ATP8A2: variants seen among roughly 807,000 people sequenced by gnomAD.
The protein encoded by ATP8A2 is phospholipid-transporting ATPase IB.
Under a neutral mutation model 165.6 loss-of-function variants are expected in ATP8A2, and 100 were observed. The ratio of observed to expected loss-of-function variants is 0.60; its 90% CI spans 0.51 to 0.71. ATP8A2 has a LOEUF of 0.71. Ranked by LOEUF, ATP8A2 falls within the 30% of genes least tolerant of loss-of-function variation. ATP8A2 has a pLI of 0.00. For synonymous variants in ATP8A2, 543 were observed against 548.8 expected (o/e 0.99, Z 0.15); for missense variants, 1,227 against 1,479.5 (o/e 0.83, Z 2.80).
intron 33 of ATP8A2, chr13:25,881,106 A>G (rs796423177): frequency 2.8e-5 from 8 of 281,896 alleles, no homozygotes; most frequent in African/African-American, 1.8e-4. Context: ...GTTTTCAAAT[A>G]TATTAATTTA....
intron 24 of ATP8A2, among the ~76,000 whole-genome samples, chr13:25,685,623 G>A (rs1010607537): frequency 2.0e-5 from 3 of 152,230 alleles, no homozygotes; most frequent in Non-Finnish European, 2.9e-5. Context: ...TTGAGGTGGG[G>A]TGAGCTGCAT....
intron 2 of ATP8A2, among the ~76,000 whole-genome samples, chr13:25,518,811 G>T (rs943547883): frequency 3.9e-5 from 6 of 152,176 alleles, no homozygotes; most frequent in Non-Finnish European, 7.3e-5. Flanking sequence ...GTTTCTGTAT[G>T]TGCCTAATTA....
intron 1 of ATP8A2, among the ~76,000 whole-genome samples, chr13:25,440,763 A>G (rs2034911164): frequency 6.6e-6 from 1 of 152,230 alleles, no homozygotes; most frequent in Admixed American, 6.5e-5. Flanking sequence ...TTTCAATCCG[A>G]TGCCTTCTAG....
intron 25 of ATP8A2, among the ~76,000 whole-genome samples, chr13:25,706,967 A>G (rs1475761533): frequency 2.6e-5 from 4 of 152,154 alleles, no homozygotes; most frequent in Non-Finnish European, 5.9e-5. Flanking sequence ...TTTATTAAGG[A>G]TGAGAGCGCT....
intron 2 of ATP8A2, among the ~76,000 whole-genome samples, chr13:25,500,214 T>C (rs2036811584): frequency 6.6e-6 from 1 of 152,114 alleles, no homozygotes; most frequent in Non-Finnish European, 1.5e-5. Flanking sequence ...CACAATAGGG[T>C]GAGCGAGGTG....
chr13:25,449,512 G>T (rs1241271913), intron 1 of ATP8A2, among the ~76,000 whole-genome samples: 2 of 152,164 alleles, frequency 1.3e-5, no homozygotes, highest in East Asian at 1.9e-4. Flanking sequence ...TTGTGGAGGG[G>T]TCCATGTGCA....
chr13:25,857,163 C>T lies in ATP8A2; in HGVS notation c.2957-3032C>T, dbSNP rs180916332. Reference sequence around the variant, plus strand: ...CAGTGCCTGCAGCCCCACTGGTCTTCGTAATGATCCTTGAGCTCATCAAGT... The same window carrying T: ...CAGTGCCTGCAGCCCCACTGGTCTTTGTAATGATCCTTGAGCTCATCAAGT... On this transcript the variant is annotated intron_variant, in intron 30 of 36. Coordinates refer to ENST00000381655, the MANE Select transcript of ATP8A2 (RefSeq NM_016529.6). 2.0e-3 allele frequency among the ~76,000 whole-genome samples: 298 copies of T among 152,260 alleles called. 2 individuals are homozygous for T. The highest frequency in any genetic ancestry group is 3.9e-3 in the Admixed American group (60 of 15,298).
In ATP8A2 at chr13:25,854,155, G is replaced by T. The variant is rs1452954246; in HGVS notation, c.2957-6040G>T. Among the ~76,000 whole-genome samples the T allele has an allele frequency of 2.6e-5, 4 of 151,948 alleles. No homozygotes were observed. The South Asian group carries it at 8.4e-4, about 32-fold the overall frequency. On this transcript the variant is annotated intron_variant, in intron 30 of 36. Coordinates refer to ENST00000381655, the MANE Select transcript of ATP8A2 (RefSeq NM_016529.6). ...TTCATTGCTGTCTTTTCTTCCTCTCGTGAACTTAAAATATGAATCATTTGG... is the reference window on the plus strand; with the variant it reads ...TTCATTGCTGTCTTTTCTTCCTCTCTTGAACTTAAAATATGAATCATTTGG...
At chr13:25,757,076 A>G (rs1280020795) in intron 25 of ATP8A2, among the ~76,000 whole-genome samples, 1 of 152,032 alleles carries the variant, frequency 6.6e-6, no homozygotes, top group African/African-American at 2.4e-5. Context: ...CACAGCATAC[A>G]CTAAACCTCT....
intron 25 of ATP8A2, among the ~76,000 whole-genome samples, chr13:25,707,453 A>T (rs1473151039): frequency 6.6e-6 from 1 of 152,226 alleles, no homozygotes; most frequent in Admixed American, 6.5e-5. Flanking sequence ...ATTTTTTAAA[A>T]AGTAGCGTAT....
intron 1 of ATP8A2, among the ~76,000 whole-genome samples, chr13:25,393,677 A>G (rs1212473325): frequency 6.6e-6 from 1 of 152,174 alleles, no homozygotes; most frequent in African/African-American, 2.4e-5. Flanking sequence ...CGGCCTCCTA[A>G]AGTGCTGGGA....
chr13:25,947,070 A>C (rs1218175431), intron 33 of ATP8A2, among the ~76,000 whole-genome samples: 1 of 152,166 alleles, frequency 6.6e-6, no homozygotes. Flanking sequence ...TTAATATGAA[A>C]GGATCTGTTT....
Position 25,434,150 on chromosome 13 carries a change from G to A in ATP8A2, c.77-34827G>A, listed in dbSNP as rs115032020. Among the ~76,000 whole-genome samples the A allele has an allele frequency of 3.2e-3, 487 of 152,182 alleles. 4 individuals carry two copies. The highest frequency in any genetic ancestry group is 0.011 in the African/African-American group (469 of 41,512). On this transcript the variant is annotated intron_variant, in intron 1 of 36. Coordinates refer to ENST00000381655, the MANE Select transcript of ATP8A2 (RefSeq NM_016529.6). ...TCTCGCGCTTGTTGGGAGCAGAAGG[G>A]GAATATTGGTCATCCCCTCTGTGGT...
At chr13:25,478,349 C>T (rs1031900807) in intron 2 of ATP8A2, among the ~76,000 whole-genome samples, 1 of 151,866 alleles carries the variant, frequency 6.6e-6, no homozygotes, top group Non-Finnish European at 1.5e-5. Flanking sequence ...AGTGTTTGTT[C>T]TACTACTTAT....
chr13:25,777,808 A>G (rs17082732), intron 27 of ATP8A2, among the ~76,000 whole-genome samples: 1 of 152,240 alleles, frequency 6.6e-6, no homozygotes, highest in Admixed American at 6.5e-5. Context: ...TTGGCATACT[A>G]ACCTATAAAA....
At chr13:25,556,609 T>C (rs1178053512) in intron 13 of ATP8A2, among the ~76,000 whole-genome samples, 2 of 152,196 alleles carry the variant, frequency 1.3e-5, no homozygotes, top group Non-Finnish European at 2.9e-5. Flanking sequence ...CCAGAAGCTC[T>C]TTAGTTTAAT....
At chr13:25,948,869 G>A (rs1046968581) in intron 33 of ATP8A2, among the ~76,000 whole-genome samples, 6 of 152,162 alleles carry the variant, frequency 3.9e-5, no homozygotes, top group African/African-American at 7.2e-5. Context: ...TAAGTCACCC[G>A]GTCTATGGTG....
intron 33 of ATP8A2, among the ~76,000 whole-genome samples, chr13:25,939,338 C>T (rs914466188): frequency 1.3e-5 from 2 of 152,134 alleles, no homozygotes; most frequent in African/African-American, 4.8e-5. Flanking sequence ...TTTGTTTGCC[C>T]GTTTTGGTTG....
Position 25,775,484 on chromosome 13 carries a change from G to T in ATP8A2, c.2679+525G>T, listed in dbSNP as rs568800060. 5.9e-5 allele frequency among the ~76,000 whole-genome samples: 9 copies of T among 152,286 alleles called. No homozygotes were observed. In the South Asian group the frequency reaches 1.9e-3, roughly 32 times the overall value. On this transcript the variant is annotated intron_variant, in intron 27 of 36. Coordinates refer to ENST00000381655, the MANE Select transcript of ATP8A2 (RefSeq NM_016529.6). ...ACGTGGGAAGGGTGTGGGAGTGAGG[G>T]GATAGTGGGGAGTAAAACAGCAAGG...
Sources: gnomAD v4.1 joint callset for allele counts (sites outside exome capture counted in the v4.1 genomes callset) on GRCh38, gnomAD v4.1.1 for gene constraint, MANE v1.5 for transcripts, NCBI Gene and HGNC (gene_info 2026-07-23, HGNC 2026-07-21) for gene names.